The following SNX29 variants were observed in gnomAD, a reference collection of about 807,000 sequenced individuals.
SNX29 encodes the protein sorting nexin-29.
Under a neutral mutation model 102.1 loss-of-function variants are expected in SNX29, and 78 were observed. The ratio of observed to expected loss-of-function variants is 0.76; its 90% CI spans 0.64 to 0.92. The LOEUF (loss-of-function observed/expected upper bound fraction) is 0.92, where lower values mean the gene tolerates loss of function less well. SNX29 is among the 40% of genes least tolerant of loss of function. The pLI is 0.00. For missense variants in SNX29, 1,280 were observed against 1,061.7 expected (o/e 1.21, Z -2.86); for synonymous variants, 580 against 414.5 (o/e 1.40, Z -4.85).
intron 15 of SNX29, among the ~76,000 whole-genome samples, chr16:12,337,321 G>A (rs1248727450): frequency 6.6e-6 from 1 of 151,964 alleles, no homozygotes; most frequent in African/African-American, 2.4e-5. Flanking sequence ...TGGATTTAAG[G>A]TATGCAATGC....
At position 12,514,918 on chromosome 16, in the gene SNX29, GAGAAAGAA is replaced by G. The variant is rs68136330; in HGVS notation, c.2179-9768_2179-9761del. ...AGAGAGAGGGAGAGAGAAAGAAAGAGAGAAAGAAAGAAAGAAAGAAAGAGAGAAAGAAA... is the reference window on the plus strand; with the variant it reads ...AGAGAGAGGGAGAGAGAAAGAAAGAGAGAAAGAAAGAAAGAGAGAAAGAAA... On this transcript the variant is annotated intron_variant, in intron 19 of 20. Coordinates refer to ENST00000566228, the MANE Select transcript of SNX29 (RefSeq NM_032167.5). 4.1e-3 allele frequency among the ~76,000 whole-genome samples: 613 copies of G among 149,330 alleles called. 6 individuals carry two copies. The highest frequency in any genetic ancestry group is 0.013 in the South Asian group (61 of 4,654).
chr16:12,091,014 C>CAAAAAAAAAAAAAAAAAAAAAAAAA (rs58933500), intron 11 of SNX29, among the ~76,000 whole-genome samples: 1 of 53,452 alleles, frequency 1.9e-5, no homozygotes, highest in African/African-American at 7.8e-5. Context: ...GACTTCATCT[C>CAAAAAAAAAAAAAAAAAAAAAAAAA]AAAAAAAAAA....
chr16:11,983,834 C>A, intron 1 of SNX29: 1 of 391,222 alleles, frequency 2.6e-6, no homozygotes, highest in Non-Finnish European at 3.5e-6. Flanking sequence ...TTCCATCTGC[C>A]ACTGTCTTGT....
intron 19 of SNX29, among the ~76,000 whole-genome samples, chr16:12,503,864 T>G (rs945584876): frequency 1.3e-5 from 2 of 152,244 alleles, no homozygotes; most frequent in Non-Finnish European, 2.9e-5. Flanking sequence ...GTTTGAGCCA[T>G]GTGTCCATTC....
intron 13 of SNX29, among the ~76,000 whole-genome samples, chr16:12,133,496 GC>G (rs2054551124): frequency 6.6e-6 from 1 of 151,762 alleles, no homozygotes; most frequent in Non-Finnish European, 1.5e-5. Context: ...TTGCCATGTT[GC>G]CCAGGCTGGT....
chr16:12,168,047 C>T (rs2076057625), intron 13 of SNX29, among the ~76,000 whole-genome samples: 4 of 152,202 alleles, frequency 2.6e-5, no homozygotes, highest in Admixed American at 2.6e-4. Flanking sequence ...CAGGTTTCCA[C>T]AGTGTCCCAG....
chr16:12,216,577 A>G (rs1596532481), intron 14 of SNX29, among the ~76,000 whole-genome samples: 1 of 152,210 alleles, frequency 6.6e-6, no homozygotes, highest in South Asian at 2.1e-4. Flanking sequence ...AAGGTGAGAC[A>G]GCATTCATTA....
intron 18 of SNX29, among the ~76,000 whole-genome samples, chr16:12,435,557 C>T (rs1364229978): frequency 6.6e-6 from 1 of 152,182 alleles, no homozygotes; most frequent in African/African-American, 2.4e-5. Context: ...TCTCTTGGGA[C>T]ATAGCTGTTT....
At chr16:12,265,791 G>A (rs1356014635) in intron 14 of SNX29, among the ~76,000 whole-genome samples, 1 of 151,816 alleles carries the variant, frequency 6.6e-6, no homozygotes, top group East Asian at 1.9e-4. Flanking sequence ...TTGGGAGGCC[G>A]AGGTGGAGGA....
In SNX29 at chr16:12,459,638, C is replaced by T. The variant is rs756615242; in HGVS notation, c.2038-18081C>T. On this transcript the variant is annotated intron_variant, in intron 18 of 20. Coordinates refer to ENST00000566228, the MANE Select transcript of SNX29 (RefSeq NM_032167.5). ...GGGTGGAGGGAGTGTCATATCTAGA[C>T]CCTGAGCTCGGGAGGTGGAGAAAGC... 4.8e-4 allele frequency among the ~76,000 whole-genome samples: 73 copies of T among 152,244 alleles called. 1 individual carries two copies. Among genetic ancestry groups the T allele is most frequent in the Non-Finnish European group, 9.0e-4 (61 of 68,014 alleles).
At chr16:12,509,977 T>C (rs879167116) in intron 19 of SNX29, among the ~76,000 whole-genome samples, 24 of 152,246 alleles carry the variant, frequency 1.6e-4, no homozygotes, top group Non-Finnish European at 2.2e-4. Context: ...TTGCATGTAT[T>C]TTTCATTTAC....
chr16:12,018,272 T>G (rs1340662600), intron 3 of SNX29, among the ~76,000 whole-genome samples: 1 of 152,146 alleles, frequency 6.6e-6, no homozygotes, highest in African/African-American at 2.4e-5. Flanking sequence ...GCTTGCCTAT[T>G]TATTTTTAAA....
intron 11 of SNX29, among the ~76,000 whole-genome samples, chr16:12,101,905 C>T (rs935892845): frequency 6.6e-5 from 10 of 152,134 alleles, no homozygotes; most frequent in African/African-American, 9.7e-5. Flanking sequence ...TCCTAATGTT[C>T]TCCCTCCCCT....
intron 13 of SNX29, among the ~76,000 whole-genome samples, chr16:12,163,342 T>C (rs1596396148): frequency 6.6e-6 from 1 of 151,808 alleles, no homozygotes; most frequent in South Asian, 2.1e-4. Context: ...TGAGGTGGGG[T>C]AGCAGGGAGG....
chr16:12,285,387 A>G (rs1288920568), intron 15 of SNX29, among the ~76,000 whole-genome samples: 1 of 152,164 alleles, frequency 6.6e-6, no homozygotes, highest in Non-Finnish European at 1.5e-5. Flanking sequence ...CTGATGATTG[A>G]TTTTTAAAAT....
At chr16:12,559,320 C>T (rs1025646370) in intron 20 of SNX29, among the ~76,000 whole-genome samples, 2 of 151,832 alleles carry the variant, frequency 1.3e-5, no homozygotes, top group Non-Finnish European at 2.9e-5. Context: ...TTGTGAACTG[C>T]CCATGTGAGG....
chr16:12,412,373 T>A (rs2084435776), intron 18 of SNX29, among the ~76,000 whole-genome samples: 1 of 152,232 alleles, frequency 6.6e-6, no homozygotes, highest in Admixed American at 6.5e-5. Context: ...TTCACAAATT[T>A]GTCTCAGTGA....
chr16:12,424,590 C>A (rs12051092), intron 18 of SNX29, among the ~76,000 whole-genome samples: 62,259 of 151,906 alleles, frequency 0.41, 13,005 homozygotes, highest in Non-Finnish European at 0.46. Flanking sequence ...GAAATAGCTT[C>A]AGAGCCTAGG....
intron 13 of SNX29, among the ~76,000 whole-genome samples, chr16:12,183,324 T>C (rs1481368909): frequency 6.6e-6 from 1 of 152,206 alleles, no homozygotes; most frequent in Non-Finnish European, 1.5e-5. Flanking sequence ...TTTTTTTAAA[T>C]TTCCTTTTTA....
Sources: gnomAD v4.1 joint callset for allele counts (sites outside exome capture counted in the v4.1 genomes callset) on GRCh38, gnomAD v4.1.1 for gene constraint, MANE v1.5 for transcripts, NCBI Gene and HGNC (gene_info 2026-07-23, HGNC 2026-07-21) for gene names.